DIAPH2: variants seen among roughly 807,000 people sequenced by gnomAD.
The protein encoded by DIAPH2 is diaphanous related formin 2, also known as protein diaphanous homolog 2.
In DIAPH2, 35 loss-of-function variants were observed where a neutral mutation model predicts 92.7. The observed-to-expected ratio is 0.38, with a 90% CI of 0.29 to 0.50. The LOEUF is 0.50. DIAPH2 is among the 20% of genes least tolerant of loss of function. The pLI is 0.94. For missense variants in DIAPH2, 701 were observed against 819.5 expected (o/e 0.86, Z 1.77); for synonymous variants, 301 against 280.4 (o/e 1.07, Z -0.73).
chrX:97,284,046 C>T (rs983981519), intron 23 of DIAPH2, among the ~76,000 whole-genome samples: 1 of 112,295 alleles, frequency 8.9e-6, no homozygotes, highest in Non-Finnish European at 1.9e-5. Context: ...GTCTAAGAGG[C>T]CCTTGCTTTG....
At chrX:96,888,087 T>A (rs1426641821) in intron 5 of DIAPH2, among the ~76,000 whole-genome samples, 1 of 107,001 alleles carries the variant, frequency 9.3e-6, no homozygotes, top group Non-Finnish European at 1.9e-5. Context: ...TGAGACAGAG[T>A]CTTGCTCTTG....
chrX:96,760,973 T>C (rs2064264655), intron 4 of DIAPH2, among the ~76,000 whole-genome samples: 1 of 111,148 alleles, frequency 9.0e-6, no homozygotes, highest in East Asian at 2.8e-4. Flanking sequence ...TGACGTAGGG[T>C]AATAGGAATA....
intron 17 of DIAPH2, among the ~76,000 whole-genome samples, chrX:97,017,574 T>G (rs2066268963): frequency 8.9e-6 from 1 of 112,008 alleles, no homozygotes; most frequent in Admixed American, 9.5e-5. Context: ...ATAGATAAAT[T>G]GAAATATATG....
chrX:96,765,016 TG>T (rs1234714342), intron 4 of DIAPH2, among the ~76,000 whole-genome samples: 1 of 110,958 alleles, frequency 9.0e-6, no homozygotes, highest in East Asian at 2.8e-4. Context: ...CTGTGATTGC[TG>T]TAGCCTACCA....
At chrX:97,548,247 A>G (rs952573734) in intron 26 of DIAPH2, among the ~76,000 whole-genome samples, 1 of 111,870 alleles carries the variant, frequency 8.9e-6, no homozygotes, top group Non-Finnish European at 1.9e-5. Flanking sequence ...ATGCACACAC[A>G]ATTTTTGGTC....
rs573640836 is a variant in DIAPH2 at position 96,947,161 on chromosome X, G to T, written c.1509+1570G>T. Among the ~76,000 whole-genome samples the T allele has an allele frequency of 9.8e-5, 11 of 111,781 alleles. No homozygotes were observed. In the South Asian group the frequency reaches 4.1e-3, roughly 42 times the overall value. ...TCCAGCTCACATATTTCAGGCTTCTGTGATCCCCGTTTGCTGTGTTTGCAG... is the reference window on the plus strand; with the variant it reads ...TCCAGCTCACATATTTCAGGCTTCTTTGATCCCCGTTTGCTGTGTTTGCAG... On this transcript the variant is annotated intron_variant, in intron 14 of 26. Transcript: ENST00000324765.
At chrX:97,410,976 A>C (rs1267530834) in intron 25 of DIAPH2, among the ~76,000 whole-genome samples, 1 of 111,909 alleles carries the variant, frequency 8.9e-6, no homozygotes, top group Non-Finnish European at 1.9e-5. Flanking sequence ...GTTGGAAAAC[A>C]CTCTGCAGGA....
At chrX:97,333,530 A>C (rs1602515075) in intron 23 of DIAPH2, among the ~76,000 whole-genome samples, 1 of 110,651 alleles carries the variant, frequency 9.0e-6, no homozygotes, top group African/African-American at 3.3e-5. Flanking sequence ...ATATCTAGTC[A>C]GTCACCATGT....
chrX:97,254,698 A>ATTTAT (rs1171438281), intron 23 of DIAPH2, among the ~76,000 whole-genome samples: 54 of 108,192 alleles, frequency 5.0e-4, no homozygotes, highest in South Asian at 2.0e-3. Context: ...ATTTTATTTT[A>ATTTAT]TTTATTTTAT....
At chrX:97,131,216 G>A (rs2067136109) in intron 21 of DIAPH2, among the ~76,000 whole-genome samples, 1 of 111,433 alleles carries the variant, frequency 9.0e-6, no homozygotes, top group South Asian at 3.7e-4. Flanking sequence ...GAAAATGTTC[G>A]ATGAGATAAT....
chrX:96,812,399 ATTC>A (rs767736248), intron 4 of DIAPH2, among the ~76,000 whole-genome samples: 1,141 of 111,455 alleles, frequency 0.01, 14 homozygotes, highest in African/African-American at 0.035. Flanking sequence ...CATCTATTCA[ATTC>A]TTCTCTCTTT....
At chrX:96,966,101 C>A (rs2147826259) in intron 17 of DIAPH2, among the ~76,000 whole-genome samples, 1 of 110,627 alleles carries the variant, frequency 9.0e-6, no homozygotes, top group East Asian at 2.8e-4. Flanking sequence ...AAATTAGTTT[C>A]TTTTTTTTAG....
chrX:97,020,674 A>G (rs1307230267), intron 17 of DIAPH2, among the ~76,000 whole-genome samples: 1 of 112,033 alleles, frequency 8.9e-6, no homozygotes, highest in Non-Finnish European at 1.9e-5. Context: ...AACCAAGACA[A>G]CTACTAAGCG....
intron 4 of DIAPH2, among the ~76,000 whole-genome samples, chrX:96,804,190 T>A (rs1383488951): frequency 8.9e-6 from 1 of 111,906 alleles, no homozygotes; most frequent in Non-Finnish European, 1.9e-5. Context: ...TGAGTTCATA[T>A]TATCAGCCTT....
intron 24 of DIAPH2, among the ~76,000 whole-genome samples, chrX:97,382,433 G>A (rs993053453): frequency 8.9e-6 from 1 of 111,947 alleles, no homozygotes; most frequent in African/African-American, 3.2e-5. Flanking sequence ...TGTCACCACT[G>A]GAGTGGGATC....
intron 5 of DIAPH2, among the ~76,000 whole-genome samples, chrX:96,899,070 T>C (rs930065459): frequency 9.9e-5 from 11 of 110,959 alleles, no homozygotes; most frequent in African/African-American, 2.9e-4. Context: ...GGCTCTGTTC[T>C]GTTCCGTTGA....
At chrX:97,041,056 A>G (rs2066445351) in intron 17 of DIAPH2, among the ~76,000 whole-genome samples, 1 of 111,289 alleles carries the variant, frequency 9.0e-6, no homozygotes, top group Admixed American at 9.6e-5. Context: ...TGTCTACTAT[A>G]TACTGATATT....
At chrX:97,335,687 A>G (rs779405010) in intron 23 of DIAPH2, among the ~76,000 whole-genome samples, 2 of 112,049 alleles carry the variant, frequency 1.8e-5, no homozygotes, top group Non-Finnish European at 3.8e-5. Context: ...TACATACTGC[A>G]TACTCTTCTC....
chrX:97,572,342 C>T (rs2071375780), intron 26 of DIAPH2, among the ~76,000 whole-genome samples: 1 of 111,288 alleles, frequency 9.0e-6, no homozygotes, highest in African/African-American at 3.3e-5. Context: ...AAACGTATAA[C>T]TTTTCAATAA....
Sources: gnomAD v4.1 joint callset for allele counts (sites outside exome capture counted in the v4.1 genomes callset) on GRCh38, gnomAD v4.1.1 for gene constraint, MANE v1.5 for transcripts, NCBI Gene and HGNC (gene_info 2026-07-23, HGNC 2026-07-21) for gene names.